The following DCC variants were observed in gnomAD, a reference collection of about 807,000 sequenced individuals.
DCC encodes netrin receptor DCC.
DCC carries 58 observed loss-of-function variants against 172.5 expected under a neutral mutation model. The observed-to-expected ratio is 0.34, with a 90% confidence interval of 0.27 to 0.42. DCC has a LOEUF of 0.42. Ranked by LOEUF, DCC falls within the 10% of genes least tolerant of loss-of-function variation. The pLI is 1.00. For missense variants in DCC, 1,740 were observed against 1,791.0 expected (o/e 0.97, Z 0.51); for synonymous variants, 709 against 644.5 (o/e 1.10, Z -1.52).
At chr18:52,484,340 T>C (rs1255843071) in intron 1 of DCC, among the ~76,000 whole-genome samples, 2 of 152,210 alleles carry the variant, frequency 1.3e-5, no homozygotes, top group Middle Eastern at 3.4e-3. Context: ...CCTCTGGCCA[T>C]TATTTTCCAT....
chr18:53,475,861 C>CA (rs1398833034), intron 25 of DCC, among the ~76,000 whole-genome samples: 2 of 152,170 alleles, frequency 1.3e-5, no homozygotes, highest in African/African-American at 4.8e-5. Context: ...GAGCTGCAGA[C>CA]ACTCAATGCC....
intron 22 of DCC, among the ~76,000 whole-genome samples, chr18:53,435,963 T>G (rs1911915153): frequency 2.6e-5 from 4 of 152,202 alleles, no homozygotes; most frequent in Admixed American, 2.6e-4. Context: ...TTGCTGTTGT[T>G]TGGTTTGACT....
intron 12 of DCC, among the ~76,000 whole-genome samples, chr18:53,248,436 C>T (rs896615591): frequency 6.6e-6 from 1 of 151,968 alleles, no homozygotes; most frequent in African/African-American, 2.4e-5. Flanking sequence ...CAATGGAAAA[C>T]CACTTTCACT....
intron 2 of DCC, among the ~76,000 whole-genome samples, chr18:52,885,008 C>T (rs913924595): frequency 1.1e-4 from 16 of 152,218 alleles, no homozygotes; most frequent in Middle Eastern, 3.4e-3. Context: ...TTGTCTCAAA[C>T]GAAATTTCTC....
chr18:53,437,352 G>A (rs1370621986), intron 22 of DCC, among the ~76,000 whole-genome samples: 2 of 151,904 alleles, frequency 1.3e-5, no homozygotes, highest in Non-Finnish European at 2.9e-5. Context: ...AGGCCGAGGC[G>A]GGCAGATCAC....
chr18:53,008,555 A>T (rs2041680311), intron 5 of DCC, among the ~76,000 whole-genome samples: 1 of 152,096 alleles, frequency 6.6e-6, no homozygotes, highest in Non-Finnish European at 1.5e-5. Context: ...AGGATTTCAA[A>T]TATATCCATA....
At chr18:53,020,481 C>G (rs1301987582) in intron 5 of DCC, among the ~76,000 whole-genome samples, 1 of 152,034 alleles carries the variant, frequency 6.6e-6, no homozygotes, top group Non-Finnish European at 1.5e-5. Flanking sequence ...AAAATTGAAC[C>G]TGCACCAAAA....
chr18:52,664,468 T>A (rs1434165102), intron 1 of DCC, among the ~76,000 whole-genome samples: 1 of 97,134 alleles, frequency 1.0e-5, no homozygotes, highest in African/African-American at 3.9e-5. Context: ...TCTTTTCTTT[T>A]TCTTTTTCTT....
Position 52,628,549 on chromosome 18 carries a change from A to G in DCC, c.92-123505A>G, listed in dbSNP as rs2034615817. The stretch of plus-strand genomic sequence containing the variant: ...CATTTAATTCCACAGATTTCTGTTA[A>G]TAACTCTGGGCTTGTAGGTCAATTA... On this transcript the variant is annotated intron_variant, in intron 1 of 28. Transcript: ENST00000442544. Among the ~76,000 whole-genome samples the G allele has an allele frequency of 2.0e-5, 3 of 152,240 alleles. No individual in the cohort carries two copies. The South Asian group carries it at 6.2e-4, about 31-fold the overall frequency.
chr18:53,203,226 TGTG>T (rs2055571310), intron 9 of DCC, among the ~76,000 whole-genome samples: 2 of 151,436 alleles, frequency 1.3e-5, no homozygotes, highest in South Asian at 4.2e-4. Flanking sequence ...TGTGTGTGTG[TGTG>T]TGTGTGCGTG....
chr18:53,359,744 G>T (rs1411336599), intron 15 of DCC, among the ~76,000 whole-genome samples: 1 of 152,028 alleles, frequency 6.6e-6, no homozygotes, highest in African/African-American at 2.4e-5. Context: ...CTACCTCTTG[G>T]TCTCTTTCTT....
In DCC at chr18:52,342,518, C is replaced by A. The variant is rs562653695; in HGVS notation, c.91+1640C>A. Among the ~76,000 whole-genome samples the A allele has an allele frequency of 2.8e-4, 43 of 152,266 alleles. No individual in the cohort carries two copies. In the East Asian group the frequency reaches 6.8e-3, roughly 24 times the overall value. On this transcript the variant is annotated intron_variant, in intron 1 of 28. Coordinates refer to ENST00000442544, the MANE Select transcript of DCC (RefSeq NM_005215.4). Reference sequence around the variant, plus strand: ...ATAGGTGTCTGTTTTAAATTGCCTCCTCGAGACCCTCAAATGCTAGAGGCT... The same window carrying A: ...ATAGGTGTCTGTTTTAAATTGCCTCATCGAGACCCTCAAATGCTAGAGGCT...
chr18:52,619,236 C>T (rs1420487816), intron 1 of DCC, among the ~76,000 whole-genome samples: 3 of 152,212 alleles, frequency 2.0e-5, no homozygotes, highest in Non-Finnish European at 4.4e-5. Context: ...CTAAGAGATA[C>T]TCCTGGCCAT....
At chr18:52,361,072 C>T (rs976862939) in intron 1 of DCC, among the ~76,000 whole-genome samples, 10 of 152,190 alleles carry the variant, frequency 6.6e-5, no homozygotes, top group Admixed American at 2.6e-4. Context: ...GATGCTTTCA[C>T]GGTGATGAAG....
chr18:52,377,773 C>T (rs1229485146), intron 1 of DCC, among the ~76,000 whole-genome samples: 1 of 148,966 alleles, frequency 6.7e-6, no homozygotes, highest in African/African-American at 2.5e-5. Context: ...GTGACACAAT[C>T]TTGGCTCACC....
chr18:52,711,532 C>T (rs994496375), intron 1 of DCC, among the ~76,000 whole-genome samples: 1 of 152,148 alleles, frequency 6.6e-6, no homozygotes. Flanking sequence ...AGAGTCTGAC[C>T]TCTAGTTTTT....
At chr18:53,393,893 A>C (rs1908736990) in intron 17 of DCC, among the ~76,000 whole-genome samples, 1 of 72,420 alleles carries the variant, frequency 1.4e-5, no homozygotes, top group Admixed American at 1.2e-4. Context: ...TTACTAATGT[A>C]CTATTCCCTC....
At chr18:53,128,870 CATATATATATATATAT>C (rs367907467) in intron 7 of DCC, among the ~76,000 whole-genome samples, 51 of 77,460 alleles carry the variant, frequency 6.6e-4, no homozygotes, top group Admixed American at 1.8e-3. Flanking sequence ...CACACACACA[CATATATATATATATAT>C]ATATATATAT....
Position 53,451,572 on chromosome 18 carries a change from T to G in DCC, c.3392+910T>G, listed in dbSNP as rs1409608476. 2.0e-5 allele frequency among the ~76,000 whole-genome samples: 3 copies of G among 152,210 alleles called. No individual in the cohort carries two copies. The East Asian group carries it at 5.8e-4, about 29-fold the overall frequency. ...CTGGTTTTAGGTTTTTCCATTGGCCTCAGGCATGACATTACCTCTGAAAGC... is the reference window on the plus strand; with the variant it reads ...CTGGTTTTAGGTTTTTCCATTGGCCGCAGGCATGACATTACCTCTGAAAGC... On this transcript the variant is annotated intron_variant, in intron 23 of 28. Coordinates refer to ENST00000442544, the MANE Select transcript of DCC (RefSeq NM_005215.4).
Sources: gnomAD v4.1 joint callset for allele counts (sites outside exome capture counted in the v4.1 genomes callset) on GRCh38, gnomAD v4.1.1 for gene constraint, MANE v1.5 for transcripts, NCBI Gene and HGNC (gene_info 2026-07-23, HGNC 2026-07-21) for gene names.